GALNT9: variants seen among roughly 807,000 people sequenced by gnomAD.
The protein encoded by GALNT9 is polypeptide N-acetylgalactosaminyltransferase 9.
GALNT9 carries 47 observed loss-of-function variants against 63.1 expected under a neutral mutation model. That is an observed-to-expected ratio of 0.75 (90% confidence interval 0.59 to 0.95). The LOEUF is 0.95. Ranked by LOEUF, GALNT9 falls within the 40% of genes least tolerant of loss-of-function variation. The pLI, the probability that GALNT9 is intolerant of heterozygous loss-of-function variation, is 0.00. For missense variants in GALNT9, 829 were observed against 874.8 expected (o/e 0.95, Z 0.66); for synonymous variants, 396 against 365.7 (o/e 1.08, Z -0.94).
intron 6 of GALNT9, chr12:132,247,434 T>G (rs1878743095): frequency 8.3e-6 from 3 of 360,988 alleles, no homozygotes; most frequent in South Asian, 6.2e-5. Flanking sequence ...GGTAGCCCCA[T>G]CTCACTGTCC....
intron 2 of GALNT9, chr12:132,274,011 T>C (rs1008777267): frequency 6.5e-6 from 1 of 152,814 alleles, no homozygotes; most frequent in Non-Finnish European, 1.5e-5. Flanking sequence ...CCATCGCAGG[T>C]CAGAGAAAAG....
intron 1 of GALNT9, among the ~76,000 whole-genome samples, chr12:132,295,634 C>T (rs1881028158): frequency 6.6e-6 from 1 of 152,238 alleles, no homozygotes; most frequent in Admixed American, 6.5e-5. Flanking sequence ...CCCAGGTCAC[C>T]AGGAGCTGGA....
At chr12:132,284,971 C>A (rs1333629692) in intron 2 of GALNT9, among the ~76,000 whole-genome samples, 1 of 152,244 alleles carries the variant, frequency 6.6e-6, no homozygotes. Context: ...GCCCTGGGAA[C>A]CACTGCCTGA....
chr12:132,201,203 T>G lies in GALNT9; in HGVS notation c.1322A>C (p.Lys441Thr). 6.2e-7 allele frequency: 1 copy of G among 1,612,914 alleles called. No individual in the cohort carries two copies. The highest frequency in any genetic ancestry group is 8.5e-7 in the Non-Finnish European group (1 of 1,179,074). The change falls in exon 8 of 11, where the codon AAG becomes ACG. Residue 441 changes from lysine (K) to threonine (T), a missense_variant. Coordinates refer to ENST00000328957, the MANE Select transcript of GALNT9 (RefSeq NM_001122636.2). ...SERLALRQRL[K>T]CRSFKWYLEN... Reference sequence around the variant, plus strand: ...CAGGTACCACTTGAAGCTGCGACACTTCAGCCTCTGACGCAGGGCCAGCCT... The same window carrying G: ...CAGGTACCACTTGAAGCTGCGACACGTCAGCCTCTGACGCAGGGCCAGCCT...
intron 4 of GALNT9, among the ~76,000 whole-genome samples, chr12:132,258,900 A>G (rs1555239432): frequency 6.6e-6 from 1 of 152,180 alleles, no homozygotes; most frequent in Non-Finnish European, 1.5e-5. Context: ...GCTGACACAG[A>G]GCCCAGAGGC....
At position 132,220,087 on chromosome 12, in the gene GALNT9, T is replaced by C. The variant is rs138817413; in HGVS notation, c.1078-16397A>G. Among the ~76,000 whole-genome samples the C allele has an allele frequency of 1.3e-3, 196 of 152,318 alleles. 2 individuals are homozygous for C. Among genetic ancestry groups the C allele is most frequent in the African/African-American group, 4.4e-3 (181 of 41,570 alleles). On this transcript the variant is annotated intron_variant, in intron 6 of 10. Coordinates refer to ENST00000328957, the MANE Select transcript of GALNT9 (RefSeq NM_001122636.2). ...GTTAAGCCACAACTTCCATAAAAGA[T>C]GAGCACTCAGCAAAATGACAAGGCA... is the stretch of plus-strand genomic sequence containing the variant.
At chr12:132,326,886 G>A (rs1490958587) in intron 1 of GALNT9, among the ~76,000 whole-genome samples, 1 of 152,210 alleles carries the variant, frequency 6.6e-6, no homozygotes, top group Admixed American at 6.5e-5. Flanking sequence ...AGGGCCTCAT[G>A]GCGACAGACA....
intron 6 of GALNT9, among the ~76,000 whole-genome samples, chr12:132,225,166 T>C (rs1156547269): frequency 1.1e-4 from 11 of 101,666 alleles, no homozygotes; most frequent in East Asian, 1.0e-3. Flanking sequence ...CCTACACACA[T>C]ACCACACAAC....
In GALNT9 at chr12:132,327,192, A is replaced by G. The variant is rs1315092632; in HGVS notation, c.238+1774T>C. 3.9e-5 allele frequency among the ~76,000 whole-genome samples: 6 copies of G among 152,050 alleles called. No individual in the cohort carries two copies. The highest frequency in any genetic ancestry group is 1.2e-4 in the African/African-American group (5 of 41,496). ...AAGGAAAGAAGGAGAAACAATTTTA[A>G]AAGAAAGAAAGGAGGAAGGGGGAGG... is the stretch of plus-strand genomic sequence containing the variant. On this transcript the variant is annotated intron_variant, in intron 1 of 10. Transcript: ENST00000328957. This position sits in a 1 kb window ranked among gnomAD's most constrained non-coding sequence, Gnocchi z 4.3.
chr12:132,297,628 T>G (rs1206826891), intron 1 of GALNT9, among the ~76,000 whole-genome samples: 24 of 150,000 alleles, frequency 1.6e-4, no homozygotes, highest in Admixed American at 7.3e-4. Context: ...ACTTCTGAGA[T>G]GACTGAGTCT....
In GALNT9 at chr12:132,316,969, C is replaced by T. The variant is rs544113199; in HGVS notation, c.238+11997G>A. On this transcript the variant is annotated intron_variant, in intron 1 of 10. Coordinates refer to ENST00000328957, the MANE Select transcript of GALNT9 (RefSeq NM_001122636.2). This position sits in a 1 kb window ranked among gnomAD's most constrained non-coding sequence, Gnocchi z 4.3. The stretch of plus-strand genomic sequence containing the variant: ...AGCACAGCCTGCACCCTACACCCCA[C>T]GGAGCATGGTCCTATTCTACACCCA... Among the ~76,000 whole-genome samples the T allele has an allele frequency of 4.0e-5, 4 of 100,050 alleles. No individual in the cohort carries two copies. Among genetic ancestry groups the T allele is most frequent in the South Asian group, 8.5e-4 (2 of 2,346 alleles). 65.6% of individuals were successfully genotyped at this position (100,050 alleles called of 152,430 possible). A position where few individuals can be genotyped will look rare whatever the true frequency, so the allele number is the denominator to read the frequency against.
At chr12:132,204,439 C>T (rs565427880) in intron 6 of GALNT9, among the ~76,000 whole-genome samples, 10 of 152,202 alleles carry the variant, frequency 6.6e-5, no homozygotes, top group South Asian at 6.2e-4. Flanking sequence ...TGGTGGGAGC[C>T]GTGTTTAAAT....
intron 1 of GALNT9, among the ~76,000 whole-genome samples, chr12:132,297,784 A>T (rs1397906560): frequency 6.6e-6 from 1 of 151,686 alleles, no homozygotes; most frequent in Non-Finnish European, 1.5e-5. Context: ...AACCGATCCC[A>T]CAATAACCAA....
chr12:132,296,886 C>G lies in GALNT9; in HGVS notation c.239-10456G>C, dbSNP rs997829734. ...CTTCCTTCCATCAGGAGCCCACTCC[C>G]ACACAAACCAACTCACTCCCAAGAT... On this transcript the variant is annotated intron_variant, in intron 1 of 10. Coordinates refer to ENST00000328957, the MANE Select transcript of GALNT9 (RefSeq NM_001122636.2). This position sits in a 1 kb window ranked among gnomAD's most constrained non-coding sequence, Gnocchi z 4.2. Among the ~76,000 whole-genome samples, 22 of 152,216 alleles carry G rather than the reference C, an allele frequency of 1.4e-4. No individual in the cohort carries two copies. Among genetic ancestry groups the G allele is most frequent in the Non-Finnish European group, 1.9e-4 (13 of 67,992 alleles).
In GALNT9 at chr12:132,201,182, T is replaced by C. The variant is rs960109475; in HGVS notation, c.1343A>G (p.Tyr448Cys). ...QRLKCRSFKWYLENVYPEMRV... is the reference protein window; with the variant it reads ...QRLKCRSFKWCLENVYPEMRV... ...CATCTCCGGGTACACGTTCTCCAGG[T>C]ACCACTTGAAGCTGCGACACTTCAG... Residue 448 changes from tyrosine (Y) to cysteine (C), a missense_variant, in exon 8 of 11, where the codon TAC becomes TGC. Transcript: ENST00000328957. The C allele has an allele frequency of 6.2e-7, 1 of 1,613,312 alleles. No individual in the cohort carries two copies. Among genetic ancestry groups the C allele is most frequent in the Non-Finnish European group, 8.5e-7 (1 of 1,179,636 alleles).
chr12:132,323,091 G>T (rs1039985653), intron 1 of GALNT9, among the ~76,000 whole-genome samples: 2 of 152,236 alleles, frequency 1.3e-5, no homozygotes, highest in African/African-American at 2.4e-5. Flanking sequence ...GACCACACGG[G>T]TCTCAAGACA....
In GALNT9 at chr12:132,197,922, C is replaced by T; in HGVS notation, c.1535G>A (p.Gly512Glu). The stretch of plus-strand genomic sequence containing the variant: ...CAAGAAGGCTGTGGAGCCCAGAGGC[C>T]CCAGCTGCAGCAGTCCATCAGCGCT... ...RYSADGLLQL[G>E]PLGSTAFLPD... Residue 512 changes from glycine to glutamate, a missense_variant, in exon 10 of 11, where the codon GGG (glycine) becomes GAG (glutamate). Physicochemically the swap from Gly to Glu is moderately conservative, Grantham distance 98. Transcript: ENST00000328957. 6.2e-7 allele frequency: 1 copy of T among 1,611,776 alleles called. No homozygotes were observed. Among genetic ancestry groups the T allele is most frequent in the Non-Finnish European group, 8.5e-7 (1 of 1,179,468 alleles).
intron 1 of GALNT9, among the ~76,000 whole-genome samples, chr12:132,324,829 C>T (rs761392300): frequency 1.3e-4 from 20 of 152,270 alleles, no homozygotes; most frequent in Middle Eastern, 6.8e-3. Flanking sequence ...GTTTTGCGTC[C>T]GGATTAAAGG....
intron 2 of GALNT9, chr12:132,283,672 C>CG (rs1323056803): frequency 1.3e-5 from 2 of 152,230 alleles, no homozygotes; most frequent in Non-Finnish European, 2.9e-5. Flanking sequence ...CCATGGTCAC[C>CG]GAGGCTCGGG....
Sources: allele counts gnomAD v4.1 joint callset (sites outside exome capture counted in the v4.1 genomes callset), GRCh38; gene constraint gnomAD v4.1.1; non-coding constraint Gnocchi (gnomAD v3.1); transcripts MANE v1.5; gene names NCBI Gene and HGNC (gene_info 2026-07-23, HGNC 2026-07-21).